The following RNF216 variants were observed in gnomAD, a reference collection of about 807,000 sequenced individuals.
RNF216 encodes E3 ubiquitin-protein ligase RNF216.
RNF216 carries 72 observed loss-of-function variants against 110.8 expected under a neutral mutation model. That is an observed-to-expected ratio of 0.65 (90% confidence interval 0.54 to 0.79). RNF216 has a LOEUF of 0.79. Ranked by LOEUF, RNF216 falls within the 30% of genes least tolerant of loss-of-function variation. The pLI is 0.00. For missense variants in RNF216, 1,342 were observed against 1,141.2 expected (o/e 1.18, Z -2.54); for synonymous variants, 495 against 407.5 (o/e 1.21, Z -2.59).
chr7:5,742,769 T>C (rs779548636), intron 3 of RNF216, among the ~76,000 whole-genome samples: 1 of 151,996 alleles, frequency 6.6e-6, no homozygotes, highest in East Asian at 2.0e-4. Flanking sequence ...CTAATTTTTC[T>C]ATTTTTGTTA....
intron 13 of RNF216, among the ~76,000 whole-genome samples, chr7:5,710,539 A>G (rs997271389): frequency 6.6e-6 from 1 of 152,192 alleles, no homozygotes; most frequent in Admixed American, 6.5e-5. Context: ...GAGGCTGTGC[A>G]GTGCTGTACA....
chr7:5,633,946 A>G (rs1269296807), intron 15 of RNF216, among the ~76,000 whole-genome samples: 1 of 152,230 alleles, frequency 6.6e-6, no homozygotes, highest in Non-Finnish European at 1.5e-5. Context: ...TCCACGCAGC[A>G]GGGTATAGAC....
At chr7:5,763,581 A>C (rs528074259) in intron 1 of RNF216, among the ~76,000 whole-genome samples, 1 of 151,786 alleles carries the variant, frequency 6.6e-6, no homozygotes, top group African/African-American at 2.4e-5. Context: ...AGTCTTTTTT[A>C]TTTCTTTTTG....
chr7:5,671,805 CAAAAAAAAAA>C (rs11319565), intron 13 of RNF216, among the ~76,000 whole-genome samples: 1 of 54,242 alleles, frequency 1.8e-5, no homozygotes, highest in African/African-American at 8.1e-5. Context: ...AACTCCGTCT[CAAAAAAAAAA>C]AAAAAAAAAA....
At chr7:5,770,855 C>A (rs1330031949) in intron 1 of RNF216, among the ~76,000 whole-genome samples, 1 of 151,528 alleles carries the variant, frequency 6.6e-6, no homozygotes, top group African/African-American at 2.4e-5. Context: ...TCGCCCAGGC[C>A]GGAGTGCAGT....
chr7:5,711,106 C>T (rs758183889), intron 13 of RNF216, among the ~76,000 whole-genome samples: 5 of 152,038 alleles, frequency 3.3e-5, no homozygotes, highest in Admixed American at 6.6e-5. Flanking sequence ...TGGCTTAGAG[C>T]GTATTTGTCT....
intron 2 of RNF216, among the ~76,000 whole-genome samples, chr7:5,754,855 C>G (rs1795534795): frequency 6.6e-6 from 1 of 151,976 alleles, no homozygotes; most frequent in Admixed American, 6.6e-5. Context: ...TGGTAAAACC[C>G]CATCTCTACT....
At chr7:5,667,229 T>C (rs564168174) in intron 13 of RNF216, among the ~76,000 whole-genome samples, 4 of 152,358 alleles carry the variant, frequency 2.6e-5, no homozygotes, top group African/African-American at 9.6e-5. Flanking sequence ...GTGTCAAGTA[T>C]TTGTTTTATA....
intron 13 of RNF216, among the ~76,000 whole-genome samples, chr7:5,657,836 A>G (rs979958365): frequency 1.2e-4 from 18 of 152,204 alleles, no homozygotes; most frequent in African/African-American, 4.1e-4. Context: ...GAGAATCAAT[A>G]AAGTTCAGCA....
At chr7:5,654,192 G>A (rs1788585272) in intron 13 of RNF216, among the ~76,000 whole-genome samples, 1 of 152,180 alleles carries the variant, frequency 6.6e-6, no homozygotes. Flanking sequence ...GTAGAAAAGG[G>A]GACTGACTTG....
At chr7:5,769,319 T>C (rs1260330796) in intron 1 of RNF216, among the ~76,000 whole-genome samples, 3 of 152,042 alleles carry the variant, frequency 2.0e-5, no homozygotes, top group Non-Finnish European at 4.4e-5. Context: ...GGTTTCACCA[T>C]GTTGGCCAGG....
intron 1 of RNF216, among the ~76,000 whole-genome samples, chr7:5,772,871 C>T (rs544317690): frequency 4.0e-5 from 6 of 151,802 alleles, no homozygotes; most frequent in South Asian, 4.2e-4. Flanking sequence ...CTCTGCATCC[C>T]GGGTTCAAGC....
At position 5,730,781 on chromosome 7, in the gene RNF216, T is replaced by G. The variant is rs1374587767; in HGVS notation, c.1158A>C (p.Pro386=). 1.2e-6 allele frequency: 2 copies of G among 1,608,046 alleles called. No homozygotes were observed. Among genetic ancestry groups the G allele is most frequent in the Non-Finnish European group, 1.7e-6 (2 of 1,176,592 alleles). The change falls in exon 6 of 17, where the codon CCA becomes CCC. Residue 386 remains proline, a synonymous_variant. Transcript: ENST00000389902. ...TTATAATGATTCTGTCTTCTCTCTT[T>G]GGATAATCTGGGTTTTCCAGAAGAA... is the stretch of plus-strand genomic sequence containing the variant. ...CNFLLENPDY[P]KREDRIIINP...
rs145934676 is a variant in RNF216, at chr7:5,711,818, C to T, written c.2004G>A (p.Pro668=). The change falls in exon 13 of 17, where the codon CCG becomes CCA. Residue 668 remains proline, a synonymous_variant. Coordinates refer to ENST00000389902, the MANE Select transcript of RNF216 (RefSeq NM_207111.4). ...ELVRCPSCSF[P]ALLDSDVKRF... is the part of the protein sequence containing the mutation. The stretch of plus-strand genomic sequence containing the variant: ...TCTTCACATCACTGTCCAACAGAGC[C>T]GGAAAGCTACAGGACGGGCACCTAG... The T allele has an allele frequency of 2.4e-4, 393 of 1,613,914 alleles. 1 individual carries two copies. Among genetic ancestry groups the T allele is most frequent in the African/African-American group, 1.4e-3 (107 of 74,996 alleles).
intron 13 of RNF216, among the ~76,000 whole-genome samples, chr7:5,683,862 A>G (rs1660697369): frequency 6.6e-6 from 1 of 152,170 alleles, no homozygotes; most frequent in South Asian, 2.1e-4. Flanking sequence ...TATGGCCATC[A>G]TTACAGAAAA....
At chr7:5,646,322 C>T (rs1378630447) in intron 14 of RNF216, among the ~76,000 whole-genome samples, 2 of 150,126 alleles carry the variant, frequency 1.3e-5, no homozygotes, top group Non-Finnish European at 1.5e-5. Flanking sequence ...GAGCTGAGAT[C>T]GCATCATTGC....
At chr7:5,688,594 A>G (rs1046659115) in intron 13 of RNF216, among the ~76,000 whole-genome samples, 1 of 152,190 alleles carries the variant, frequency 6.6e-6, no homozygotes, top group African/African-American at 2.4e-5. Context: ...AGGCGCATGT[A>G]TTTACCAGCT....
intron 9 of RNF216, among the ~76,000 whole-genome samples, chr7:5,718,357 G>A (rs575645361): frequency 6.6e-6 from 1 of 152,086 alleles, no homozygotes; most frequent in Non-Finnish European, 1.5e-5. Context: ...CTCCAGCCTG[G>A]GTGACAAAGC....
At chr7:5,769,544 G>A (rs1796385189) in intron 1 of RNF216, among the ~76,000 whole-genome samples, 2 of 149,894 alleles carry the variant, frequency 1.3e-5, no homozygotes, top group South Asian at 4.4e-4. Context: ...GCAACATGGT[G>A]AAACGCTGTC....
Sources: allele counts gnomAD v4.1 joint callset (sites outside exome capture counted in the v4.1 genomes callset), GRCh38; gene constraint gnomAD v4.1.1; transcripts MANE v1.5; gene names NCBI Gene and HGNC (gene_info 2026-07-23, HGNC 2026-07-21).